The following DIP2B variants were observed in gnomAD, a reference collection of about 807,000 sequenced individuals.
DIP2B encodes the protein disco-interacting protein 2 homolog B.
Under a neutral mutation model 198.0 loss-of-function variants are expected in DIP2B, and 76 were observed. The observed-to-expected ratio is 0.38, with a 90% CI of 0.32 to 0.46. The LOEUF (loss-of-function observed/expected upper bound fraction) is 0.46, where lower values mean the gene tolerates loss of function less well. DIP2B is among the 20% of genes least tolerant of loss of function. The probability of loss-of-function intolerance (pLI) is 0.99; values close to 1 mark genes in which losing one functional copy is unlikely to be tolerated. For synonymous variants in DIP2B, 701 were observed against 739.1 expected (o/e 0.95, Z 0.84); for missense variants, 1,559 against 1,978.4 (o/e 0.79, Z 4.02).
At chr12:50,697,520 G>GTA (rs1466586124) in intron 17 of DIP2B, among the ~76,000 whole-genome samples, 1 of 127,054 alleles carries the variant, frequency 7.9e-6, no homozygotes, top group Non-Finnish European at 1.6e-5. Context: ...GTGTGTGTGT[G>GTA]TATATAGATA....
At chr12:50,567,038 CTTTTT>C in intron 1 of DIP2B, among the ~76,000 whole-genome samples, 1 of 148,686 alleles carries the variant, frequency 6.7e-6, no homozygotes, top group South Asian at 2.1e-4. Context: ...TGTGCACTGA[CTTTTT>C]TTTTGTTTGT....
intron 1 of DIP2B, among the ~76,000 whole-genome samples, chr12:50,545,883 G>A (rs1379779846): frequency 2.0e-5 from 3 of 151,986 alleles, no homozygotes; most frequent in African/African-American, 7.2e-5. Flanking sequence ...TGATCCACCC[G>A]CCTCGGCCTC....
chr12:50,648,849 T>C (rs973590197), intron 3 of DIP2B, among the ~76,000 whole-genome samples: 8 of 152,146 alleles, frequency 5.3e-5, no homozygotes, highest in Admixed American at 4.6e-4. Context: ...ATTTACAGTT[T>C]ATGTGATAAT....
chr12:50,668,103 AG>A (rs1938787742), intron 4 of DIP2B, among the ~76,000 whole-genome samples: 1 of 152,130 alleles, frequency 6.6e-6, no homozygotes, highest in East Asian at 1.9e-4. Context: ...TCTCGCGTGC[AG>A]CCCCCTCTAC....
At chr12:50,727,608 G>A (rs1939960036) in intron 28 of DIP2B, 95 bp from the exon 29 acceptor site, 8 of 1,071,338 alleles carry the variant, frequency 7.5e-6, no homozygotes, top group South Asian at 2.7e-5. Context: ...GCAAATCTGC[G>A]AAGCTAAATT....
intron 1 of DIP2B, among the ~76,000 whole-genome samples, chr12:50,604,486 CTT>C (rs1430047469): frequency 6.6e-6 from 1 of 151,582 alleles, no homozygotes; most frequent in East Asian, 1.9e-4. Flanking sequence ...GAGACAAAGT[CTT>C]TGACATCCAG....
chr12:50,542,586 T>G (rs191994870), intron 1 of DIP2B, among the ~76,000 whole-genome samples: 36 of 152,318 alleles, frequency 2.4e-4, no homozygotes, highest in Admixed American at 2.3e-3. Flanking sequence ...CTTATTATAC[T>G]TGAGCTGCAA....
At position 50,649,716 on chromosome 12, in the gene DIP2B, T is replaced by C. The variant is rs150538401; in HGVS notation, c.301+8864T>C. 1.1e-3 allele frequency among the ~76,000 whole-genome samples: 163 copies of C among 151,564 alleles called. 1 individual carries two copies. Among genetic ancestry groups the C allele is most frequent in the African/African-American group, 3.6e-3 (148 of 41,270 alleles). ...TAAAAATACAAAAAAATTAGCTGGG[T>C]ATGGTGATGAGTGCCTGTAGTCCCA... is the stretch of plus-strand genomic sequence containing the variant. On this transcript the variant is annotated intron_variant, in intron 3 of 37. Transcript: ENST00000301180.
At chr12:50,727,860 G>A (rs758403363) in intron 29 of DIP2B, 48 bp downstream of exon 29, 1 of 1,507,830 alleles carries the variant, frequency 6.6e-7, no homozygotes, top group East Asian at 2.3e-5. Flanking sequence ...AAATAGAGAT[G>A]ACCACTGCCC....
intron 17 of DIP2B, 87 bp from the exon 18 acceptor site, chr12:50,698,241 A>C (rs1019970085): frequency 3.5e-5 from 52 of 1,488,226 alleles, no homozygotes; most frequent in Non-Finnish European, 4.5e-5. Flanking sequence ...TTGGTATTGT[A>C]GCCAGAGGAA....
chr12:50,641,636 G>A (rs1020777028), intron 3 of DIP2B, among the ~76,000 whole-genome samples: 1 of 152,144 alleles, frequency 6.6e-6, no homozygotes, highest in African/African-American at 2.4e-5. Context: ...AACCCAAGAA[G>A]TACCCACAGG....
intron 4 of DIP2B, among the ~76,000 whole-genome samples, chr12:50,663,872 TAAAAA>T (rs397934701): frequency 9.5e-6 from 1 of 104,844 alleles, no homozygotes; most frequent in Admixed American, 1.1e-4. Context: ...CCCATCTCTT[TAAAAA>T]AAAAAAAAAA....
In DIP2B at chr12:50,747,511, A is replaced by T. The variant is rs1014233670; in HGVS notation, c.*2672A>T. On this transcript the variant is annotated 3_prime_UTR_variant, in exon 38 of 38. Coordinates refer to ENST00000301180, the MANE Select transcript of DIP2B (RefSeq NM_173602.3). ...GAGGAGAGCCCAGTCATTTGCTTAG[A>T]TGGTGTTTGTGGGATCACCTGCAGA... 2 of 152,232 alleles carry T rather than the reference A, an allele frequency of 1.3e-5. No homozygotes were observed. The highest frequency in any genetic ancestry group is 4.8e-5 in the African/African-American group (2 of 41,460). 9.4% of individuals were successfully genotyped at this position (152,232 alleles called of 1,614,324 possible).
intron 25 of DIP2B, 37 bp downstream of exon 25, chr12:50,719,072 T>A: frequency 6.2e-7 from 1 of 1,601,904 alleles, no homozygotes. Context: ...ATCAGCTGAC[T>A]ACTATAGGAC....
chr12:50,707,137 G>A (rs988948353), intron 21 of DIP2B, among the ~76,000 whole-genome samples: 1 of 152,124 alleles, frequency 6.6e-6, no homozygotes. Flanking sequence ...CATGGACAAA[G>A]TCAATTAGAT....
chr12:50,657,732 G>GA (rs1206663735), intron 3 of DIP2B, among the ~76,000 whole-genome samples: 2 of 151,642 alleles, frequency 1.3e-5, no homozygotes, highest in Non-Finnish European at 2.9e-5. Flanking sequence ...CAAAATTAAA[G>GA]AACATTTTAC....
At chr12:50,697,253 C>G (rs1592132439) in intron 17 of DIP2B, 78 bp downstream of exon 17, 12 of 1,253,838 alleles carry the variant, frequency 9.6e-6, no homozygotes, top group Non-Finnish European at 1.3e-5. Flanking sequence ...AGGTGATGAC[C>G]AACGGATGTT....
chr12:50,639,302 G>A (rs1448278709), intron 2 of DIP2B, among the ~76,000 whole-genome samples: 2 of 152,062 alleles, frequency 1.3e-5, no homozygotes, highest in African/African-American at 4.8e-5. Context: ...AGGTCATTCA[G>A]TGGTTGTCTT....
chr12:50,589,572 A>C (rs1393134903), intron 1 of DIP2B, among the ~76,000 whole-genome samples: 1 of 152,146 alleles, frequency 6.6e-6, no homozygotes, highest in East Asian at 1.9e-4. Flanking sequence ...GAGCCAGTTT[A>C]TAAGAAAATC....
Sources: gnomAD v4.1 joint callset for allele counts (sites outside exome capture counted in the v4.1 genomes callset) on GRCh38, gnomAD v4.1.1 for gene constraint, MANE v1.5 for transcripts, NCBI Gene and HGNC (gene_info 2026-07-23, HGNC 2026-07-21) for gene names.